Variants in TPM4 observed in about 807,000 individuals in gnomAD.
The protein encoded by TPM4 is tropomyosin alpha-4 chain.
TPM4 carries 17 observed loss-of-function variants against 35.8 expected under a neutral mutation model. That is an observed-to-expected ratio of 0.47 (90% CI 0.32 to 0.71). TPM4 has a LOEUF of 0.71. TPM4 is among the 30% of genes least tolerant of loss of function. The pLI is 0.03. For missense variants in TPM4, 240 were observed against 320.9 expected (o/e 0.75, Z 1.93); for synonymous variants, 120 against 122.9 (o/e 0.98, Z 0.15).
chr19:16,086,563 G>A (rs375206059), intron 3 of TPM4, 23 bp downstream of exon 3: 39 of 1,590,738 alleles, frequency 2.5e-5, no homozygotes, highest in African/African-American at 1.6e-4. Context: ...GGCAGATGGC[G>A]CAGCAGCAGG....
At chr19:16,076,480 G>A (rs950645832), upstream of TPM4, 1 of 1,331,234 alleles carries the variant, frequency 7.5e-7, no homozygotes, top group Admixed American at 4.2e-5. Flanking sequence ...AGGCTTGGGG[G>A]GCCGGGGCGC....
At chr19:16,069,515 G>T (rs1160491789) in intron 2 of TPM4, among the ~76,000 whole-genome samples, 2 of 408 alleles carry the variant, frequency 4.9e-3, no homozygotes, top group Non-Finnish European at 8.8e-3. Context: ...ATGATTGTGT[G>T]TTTCTATTGG....
chr19:16,087,358 C>A (rs2090568561), intron 3 of TPM4, among the ~76,000 whole-genome samples: 1 of 152,082 alleles, frequency 6.6e-6, no homozygotes, highest in Non-Finnish European at 1.5e-5. Flanking sequence ...AGGCAGATCA[C>A]CTGAGGTCAG....
chr19:16,088,156 G>T (rs2090582536), intron 4 of TPM4, 59 bp downstream of exon 4: 1 of 1,570,028 alleles, frequency 6.4e-7, no homozygotes, highest in African/African-American at 1.3e-5. Flanking sequence ...GAGTGGGAAG[G>T]AGCTGGCTGT....
At position 16,088,313 on chromosome 19, in the gene TPM4, C is replaced by T. The variant is rs1345841240; in HGVS notation, c.455+216C>T. On this transcript the variant is annotated intron_variant, in intron 4 of 7. Coordinates refer to ENST00000643579, the MANE Select transcript of TPM4 (RefSeq NM_003290.3). ...AGCACTGCCCACGTGTTGACCCTTT[C>T]TGCAAAGATATGAGGAAATAGGAGT... is the stretch of plus-strand genomic sequence containing the variant. The T allele has an allele frequency of 2.9e-6, 4 of 1,387,264 alleles. No individual in the cohort carries two copies. The African/African-American group carries it at 4.4e-5, about 15-fold the overall frequency. 85.9% of individuals were successfully genotyped at this position (1,387,264 alleles called of 1,614,324 possible).
chr19:16,073,938 T>TAAAAAAAAAA (rs71178637), upstream of TPM4, among the ~76,000 whole-genome samples: 4 of 35,668 alleles, frequency 1.1e-4, no homozygotes, highest in African/African-American at 3.4e-4. Context: ...GAAGACCATG[T>TAAAAAAAAAA]AAAAAAAAAA....
intron 1 of TPM4, chr19:16,080,773 C>T (rs938373947): frequency 6.0e-6 from 2 of 332,332 alleles, no homozygotes; most frequent in Non-Finnish European, 1.1e-5. Flanking sequence ...CATGCCATTG[C>T]ACTCCAGCCT....
chr19:16,072,261 A>G (rs2090363008), upstream of TPM4, among the ~76,000 whole-genome samples: 1 of 152,206 alleles, frequency 6.6e-6, no homozygotes, highest in Non-Finnish European at 1.5e-5. Context: ...AGAAACTCCA[A>G]GCTGAGGGAG....
intron 1 of TPM4, among the ~76,000 whole-genome samples, chr19:16,079,506 A>G (rs1459466169): frequency 1.3e-5 from 2 of 152,188 alleles, no homozygotes; most frequent in African/African-American, 4.8e-5. Context: ...AGTGGTTTTC[A>G]CAATTCTCTG....
chr19:16,079,648 C>A, intron 1 of TPM4: 1 of 214,250 alleles, frequency 4.7e-6, no homozygotes, highest in Non-Finnish European at 9.4e-6. Context: ...TAGCCTCATT[C>A]TATTTTTTTT....
intron 4 of TPM4, 176 bp downstream of exon 4, chr19:16,088,273 C>T: frequency 1.4e-6 from 2 of 1,411,698 alleles, no homozygotes; most frequent in East Asian, 2.6e-5. Flanking sequence ...GTGACTTGTT[C>T]TTACTGCCAT....
chr19:16,069,823 T>G (rs1195526913), intron 2 of TPM4, among the ~76,000 whole-genome samples: 2 of 151,608 alleles, frequency 1.3e-5, no homozygotes, highest in Non-Finnish European at 2.9e-5. Context: ...TCGGGGTGAG[T>G]GTGTGTGTCA....
intron 1 of TPM4, among the ~76,000 whole-genome samples, chr19:16,078,703 G>T (rs2090443111): frequency 6.6e-6 from 1 of 152,092 alleles, no homozygotes; most frequent in South Asian, 2.1e-4. Context: ...GAGAGAAGAT[G>T]TTTTTGGAGA....
Position 16,078,737 on chromosome 19 carries a change from C to T in TPM4, c.132+2040C>T, listed in dbSNP as rs147439615. Among the ~76,000 whole-genome samples, 324 of 149,060 alleles carry T rather than the reference C, an allele frequency of 2.2e-3. 1 individual carries two copies. The highest frequency in any genetic ancestry group is 3.2e-3 in the Non-Finnish European group (219 of 67,690). On this transcript the variant is annotated intron_variant, in intron 1 of 7. Coordinates refer to ENST00000643579, the MANE Select transcript of TPM4 (RefSeq NM_003290.3). ...GAGTTGAAGACTTCTTGAAAAAGTT[C>T]GAAAAGTTCTTGAAAAAGCAAAGGA... is the stretch of plus-strand genomic sequence containing the variant.
At chr19:16,093,066 G>T (rs2090647715) in intron 5 of TPM4, 1 of 170,466 alleles carries the variant, frequency 5.9e-6, no homozygotes. Context: ...TGTGACCCAG[G>T]TTGGTCTCAA....
At position 16,092,678 on chromosome 19, in the gene TPM4, G is replaced by A. The variant is rs933994560; in HGVS notation, c.532-858G>A. 1.7e-4 allele frequency among the ~76,000 whole-genome samples: 26 copies of A among 152,148 alleles called. 1 individual carries two copies. Among genetic ancestry groups the A allele is most frequent in the African/African-American group, 6.3e-4 (26 of 41,526 alleles). On this transcript the variant is annotated intron_variant, in intron 5 of 7. Transcript: ENST00000643579. ...AGCCTCCTGAGTAGCTGAGATTACA[G>A]GCACCCACCACCACACCTGGCTAAT...
chr19:16,092,280 C>G (rs1031101905), intron 5 of TPM4, among the ~76,000 whole-genome samples: 1 of 151,936 alleles, frequency 6.6e-6, no homozygotes, highest in African/African-American at 2.4e-5. Flanking sequence ...GACTGGGACT[C>G]AGGAGTCCAC....
intron 2 of TPM4, 151 bp from the exon 3 acceptor site, chr19:16,086,272 C>T: frequency 3.2e-6 from 2 of 622,680 alleles, no homozygotes; most frequent in Non-Finnish European, 5.8e-6. Flanking sequence ...ATCGCTTGAA[C>T]CCGGGAGGTG....
intron 1 of TPM4, 146 bp downstream of exon 1, chr19:16,076,843 C>T (rs2090414093): frequency 1.6e-6 from 2 of 1,252,602 alleles, no homozygotes; most frequent in African/African-American, 1.6e-5. Context: ...ACCCACATCC[C>T]TGCGCCCGCA....
Sources: allele counts gnomAD v4.1 joint callset (sites outside exome capture counted in the v4.1 genomes callset), GRCh38; gene constraint gnomAD v4.1.1; transcripts MANE v1.5; gene names NCBI Gene and HGNC (gene_info 2026-07-23, HGNC 2026-07-21).